The following ZDHHC17 variants were observed in gnomAD, a reference collection of about 807,000 sequenced individuals.
ZDHHC17 encodes zDHHC palmitoyltransferase 17.
In ZDHHC17, 40 loss-of-function variants were observed where a neutral mutation model predicts 90.3. The ratio of observed to expected loss-of-function variants is 0.44; its 90% CI spans 0.34 to 0.58. The LOEUF (loss-of-function observed/expected upper bound fraction) is 0.58, where lower values mean the gene tolerates loss of function less well. Among genes scored for constraint, ZDHHC17 ranks in the 20% least tolerant of loss-of-function variants. The pLI, the probability that ZDHHC17 is intolerant of heterozygous loss-of-function variation, is 0.01. For synonymous variants in ZDHHC17, 235 were observed against 252.4 expected (o/e 0.93, Z 0.65); for missense variants, 614 against 780.8 (o/e 0.79, Z 2.55).
Position 76,821,798 on chromosome 12 carries a change from G to T in ZDHHC17, c.772-608G>T, listed in dbSNP as rs575835478. ...TTATTCCTATCATGTAAATTCCCTG[G>T]CATTCTTTTTCTTAGGATTAAAGGG... On this transcript the variant is annotated intron_variant, in intron 7 of 16. Coordinates refer to ENST00000426126, the MANE Select transcript of ZDHHC17 (RefSeq NM_015336.4). Among the ~76,000 whole-genome samples the T allele has an allele frequency of 2.0e-4, 30 of 151,842 alleles. No homozygotes were observed. In the South Asian group the frequency reaches 5.7e-3, roughly 29 times the overall value.
At chr12:76,820,176 G>A (rs556027424) in intron 7 of ZDHHC17, among the ~76,000 whole-genome samples, 136 of 151,960 alleles carry the variant, frequency 8.9e-4, no homozygotes, top group Non-Finnish European at 1.5e-3. Context: ...TTGAAAAAAA[G>A]TTACTTGTAT....
At chr12:76,809,190 A>G in intron 4 of ZDHHC17, 70 bp downstream of exon 4, 1 of 1,064,346 alleles carries the variant, frequency 9.4e-7, no homozygotes, top group Non-Finnish European at 1.3e-6. Flanking sequence ...ACTTTAAAAA[A>G]ATGATATACT....
chr12:76,843,819 C>T (rs1191279282), intron 12 of ZDHHC17: 1 of 151,996 alleles, frequency 6.6e-6, no homozygotes, highest in African/African-American at 2.4e-5. Flanking sequence ...ATAATAAAGT[C>T]ATTGACTTCA....
At chr12:76,810,648 G>C (rs552376019) in intron 5 of ZDHHC17, among the ~76,000 whole-genome samples, 31 of 152,112 alleles carry the variant, frequency 2.0e-4, no homozygotes, top group Non-Finnish European at 4.0e-4. Flanking sequence ...TGGCAGTTGT[G>C]TTGTGCATTA....
rs55794991 is a variant in ZDHHC17, at chr12:76,803,603, G to C, written c.198-1714G>C. Among the ~76,000 whole-genome samples, 1,031 of 152,318 alleles carry C rather than the reference G, an allele frequency of 6.8e-3. 17 individuals are homozygous for C. The highest frequency in any genetic ancestry group is 0.024 in the African/African-American group (999 of 41,556). The stretch of plus-strand genomic sequence containing the variant: ...TTACCATCCAGTTGGACCGGGACTT[G>C]TGCTTTAGTCCATTTGGCCATTCCC... On this transcript the variant is annotated intron_variant, in intron 2 of 16. Transcript: ENST00000426126.
chr12:76,769,457 G>A (rs1043701077), intron 1 of ZDHHC17, among the ~76,000 whole-genome samples: 3 of 151,988 alleles, frequency 2.0e-5, no homozygotes, highest in African/African-American at 4.8e-5. Flanking sequence ...ATATGTATTT[G>A]TACACATATA....
intron 1 of ZDHHC17, among the ~76,000 whole-genome samples, chr12:76,767,554 T>C (rs754731223): frequency 4.6e-5 from 7 of 152,176 alleles, no homozygotes; most frequent in Non-Finnish European, 8.8e-5. Flanking sequence ...GGGTAAGGAA[T>C]TGTGCTGGAG....
At chr12:76,775,496 C>A (rs1952549106) in intron 1 of ZDHHC17, among the ~76,000 whole-genome samples, 1 of 151,624 alleles carries the variant, frequency 6.6e-6, no homozygotes. Context: ...TTTGATATAG[C>A]CTAAAGAGTG....
Position 76,850,903 on chromosome 12 carries a change from T to G in ZDHHC17, c.1817T>G (p.Phe606Cys), listed in dbSNP as rs1464001235. Residue 606 changes from phenylalanine (F) to cysteine (C), a missense_variant, in exon 17 of 17, where the codon TTT becomes TGT. Physicochemically the swap from Phe to Cys is radical, Grantham distance 205. This residue lies in a region of ZDHHC17 where 111 missense variants were observed against 179.8 expected (regional missense o/e 0.62). Coordinates refer to ENST00000426126, the MANE Select transcript of ZDHHC17 (RefSeq NM_015336.4). ...TTTGAATTTCGATGCTGTGGCCTCT[T>G]TCGTCCTGTTATCGTGGACTGGACC... ...DFFEFRCCGL[F>C]RPVIVDWTRQ... The G allele has an allele frequency of 6.2e-7, 1 of 1,614,022 alleles. No individual in the cohort carries two copies. Among genetic ancestry groups the G allele is most frequent in the Admixed American group, 1.7e-5 (1 of 60,016 alleles).
Position 76,809,084 on chromosome 12 carries a change from G to A in ZDHHC17, c.362G>A (p.Gly121Glu). The A allele has an allele frequency of 6.4e-7, 1 of 1,565,048 alleles. No individual in the cohort carries two copies. Reference protein sequence around the residue: ...SKGAIVDQLGGDLNSTPLHWA... With the variant: ...SKGAIVDQLGEDLNSTPLHWA... ...GGTGCTATTGTGGATCAACTTGGAG[G>A]GGACCTGAATTCAACTCCATTGCAC... Residue 121 changes from glycine to glutamate, a missense_variant, in exon 4 of 17, where the codon GGG becomes GAG. Gly to Glu is a moderately conservative substitution (Grantham distance 98). Around this residue, in one of 5 missense-constraint regions of ZDHHC17, gnomAD observed 358 missense variants for 380.4 expected, o/e 0.94. Coordinates refer to ENST00000426126, the MANE Select transcript of ZDHHC17 (RefSeq NM_015336.4).
At chr12:76,768,493 T>G (rs1229953952) in intron 1 of ZDHHC17, among the ~76,000 whole-genome samples, 1 of 152,252 alleles carries the variant, frequency 6.6e-6, no homozygotes, top group African/African-American at 2.4e-5. Context: ...AAAGATAGCA[T>G]ATGTTTTCCA....
In ZDHHC17 at chr12:76,764,216, G is replaced by T; in HGVS notation, c.-21G>T. The T allele has an allele frequency of 6.4e-7, 1 of 1,567,140 alleles. No individual in the cohort carries two copies. Among genetic ancestry groups the T allele is most frequent in the Admixed American group, 1.9e-5 (1 of 53,832 alleles). On this transcript the variant is annotated 5_prime_UTR_variant, in exon 1 of 17. Coordinates refer to ENST00000426126, the MANE Select transcript of ZDHHC17 (RefSeq NM_015336.4). ...CTCCGCCTCGCCCGAGCCCCGGGAG[G>T]GTGAAACGCTTTCTCCCAGCATGCA...
At position 76,764,200 on chromosome 12, in the gene ZDHHC17, G is replaced by A; in HGVS notation, c.-37G>A. On this transcript the variant is annotated 5_prime_UTR_variant, in exon 1 of 17. Coordinates refer to ENST00000426126, the MANE Select transcript of ZDHHC17 (RefSeq NM_015336.4). ...TCGCCCCGCGCTCGCCCTCCGCCTCGCCCGAGCCCCGGGAGGGTGAAACGC... is the reference window on the plus strand; with the variant it reads ...TCGCCCCGCGCTCGCCCTCCGCCTCACCCGAGCCCCGGGAGGGTGAAACGC... 1 of 1,441,888 alleles carries A rather than the reference G, an allele frequency of 6.9e-7. No individual in the cohort carries two copies. The highest frequency in any genetic ancestry group is 9.3e-7 in the Non-Finnish European group (1 of 1,073,810). 89.3% of individuals were successfully genotyped at this position (1,441,888 alleles called of 1,614,324 possible).
At chr12:76,788,690 T>A (rs11115399) in intron 1 of ZDHHC17, among the ~76,000 whole-genome samples, 599 of 30,290 alleles carry the variant, frequency 0.02, 20 homozygotes, top group East Asian at 0.05. Flanking sequence ...GAATCGCAAT[T>A]TTTTTTTTTT....
At chr12:76,841,495 CAT>C (rs2137802037) in intron 10 of ZDHHC17, among the ~76,000 whole-genome samples, 1 of 152,108 alleles carries the variant, frequency 6.6e-6, no homozygotes, top group Non-Finnish European at 1.5e-5. Flanking sequence ...AAAATGTGAA[CAT>C]ATAAACTATT....
intron 1 of ZDHHC17, among the ~76,000 whole-genome samples, chr12:76,765,163 G>A (rs1040403890): frequency 2.6e-5 from 4 of 152,228 alleles, no homozygotes; most frequent in African/African-American, 9.6e-5. Context: ...TGCGGCAGCG[G>A]CACAGTTTGC....
chr12:76,768,810 C>T (rs1952459850), intron 1 of ZDHHC17, among the ~76,000 whole-genome samples: 1 of 152,208 alleles, frequency 6.6e-6, no homozygotes, highest in South Asian at 2.1e-4. Context: ...AACCATCTGA[C>T]TCAGAGCTTT....
chr12:76,818,492 A>T (rs1269250730), intron 7 of ZDHHC17, among the ~76,000 whole-genome samples: 2 of 152,218 alleles, frequency 1.3e-5, no homozygotes, highest in Admixed American at 6.5e-5. Flanking sequence ...TAATAATAAA[A>T]GGCAAATGTG....
At chr12:76,766,863 T>C (rs1952437072) in intron 1 of ZDHHC17, among the ~76,000 whole-genome samples, 1 of 151,540 alleles carries the variant, frequency 6.6e-6, no homozygotes, top group South Asian at 2.1e-4. Flanking sequence ...CTACAGAAAA[T>C]ACAAAAATTA....
Sources: allele counts gnomAD v4.1 joint callset (sites outside exome capture counted in the v4.1 genomes callset), GRCh38; gene constraint gnomAD v4.1.1; regional missense constraint gnomAD v4.1.1; transcripts MANE v1.5; gene names NCBI Gene and HGNC (gene_info 2026-07-23, HGNC 2026-07-21).